Variants in SCN2A observed in about 807,000 individuals in gnomAD.
SCN2A encodes the protein sodium channel protein type 2 subunit alpha.
A neutral mutation model predicts 188.7 loss-of-function variants in SCN2A; 20 were observed. The observed-to-expected ratio is 0.11, with a 90% CI of 0.07 to 0.15. The LOEUF (loss-of-function observed/expected upper bound fraction) is 0.15. Among genes scored for constraint, SCN2A ranks in the 10% least tolerant of loss-of-function variants. The pLI is 1.00. For missense variants in SCN2A, 1,278 were observed against 2,445.0 expected (o/e 0.52, Z 10.07); for synonymous variants, 804 against 833.1 (o/e 0.97, Z 0.60).
chr2:165,280,686 C>A (rs1190019676), intron 1 of SCN2A, among the ~76,000 whole-genome samples: 1 of 152,172 alleles, frequency 6.6e-6, no homozygotes, highest in Non-Finnish European at 1.5e-5. Context: ...CCTGTGGGAT[C>A]ATAATAAAGC....
At chr2:165,360,040 G>C (rs1700379895) in intron 17 of SCN2A, among the ~76,000 whole-genome samples, 1 of 151,426 alleles carries the variant, frequency 6.6e-6, no homozygotes. Flanking sequence ...GTCAGATATG[G>C]GATACTTGAT....
At chr2:165,325,990 G>A (rs1199934234) in intron 12 of SCN2A, among the ~76,000 whole-genome samples, 1 of 152,042 alleles carries the variant, frequency 6.6e-6, no homozygotes, top group Non-Finnish European at 1.5e-5. Context: ...TTTAGAAATA[G>A]GGAAAGTCCT....
chr2:165,291,424 CTGT>C (rs1696131417), intron 1 of SCN2A, among the ~76,000 whole-genome samples: 1 of 139,474 alleles, frequency 7.2e-6, no homozygotes, highest in African/African-American at 2.8e-5. Flanking sequence ...TCCTCCCTGT[CTGT>C]CTTTCTTTCT....
Position 165,388,561 on chromosome 2 carries a change from C to CTTAT in SCN2A, c.4823-67_4823-64dup. On this transcript the variant is annotated intron_variant, in intron 26 of 26. Transcript: ENST00000375437. ...GTTCACATTTTGTAAAACTAATGTA[C>CTTAT]TTATGTAAACTTTCATTTGCTACTA... is the stretch of plus-strand genomic sequence containing the variant. The CTTAT allele has an allele frequency of 1.3e-5, 21 of 1,602,100 alleles. 1 individual carries two copies. The South Asian group carries it at 2.3e-4, about 18-fold the overall frequency.
chr2:165,251,425 G>A (rs77433275), intron 1 of SCN2A, among the ~76,000 whole-genome samples: 4,534 of 152,182 alleles, frequency 0.03, 217 homozygotes, highest in African/African-American at 0.099. Context: ...TTCAAATATA[G>A]CGTGATGATA....
At chr2:165,315,893 T>A in intron 11 of SCN2A, 135 bp downstream of exon 11, 1 of 1,053,254 alleles carries the variant, frequency 9.5e-7, no homozygotes, top group Non-Finnish European at 1.4e-6. Flanking sequence ...TCAAGTGTTT[T>A]GGCTATCACT....
intron 1 of SCN2A, among the ~76,000 whole-genome samples, chr2:165,266,181 T>C (rs911060442): frequency 6.6e-6 from 1 of 152,074 alleles, no homozygotes; most frequent in Non-Finnish European, 1.5e-5. Flanking sequence ...CCAAAGGCTA[T>C]GCTTATTAGT....
At chr2:165,332,284 T>C (rs539119520) in intron 14 of SCN2A, among the ~76,000 whole-genome samples, 18 of 152,078 alleles carry the variant, frequency 1.2e-4, no homozygotes, top group South Asian at 6.2e-4. Context: ...AATAATACGG[T>C]CTAAAGTATA....
chr2:165,370,360 G>T (rs1248331632), intron 20 of SCN2A, 61 bp downstream of exon 20: 10 of 1,539,718 alleles, frequency 6.5e-6, no homozygotes, highest in South Asian at 1.1e-5. Context: ...TCTAGCAATG[G>T]TGCCTGACAC....
intron 16 of SCN2A, among the ~76,000 whole-genome samples, chr2:165,353,618 A>G (rs1029225375): frequency 3.9e-5 from 6 of 152,200 alleles, no homozygotes; most frequent in Non-Finnish European, 5.9e-5. Context: ...AGAGCTTTCA[A>G]TCATGGCAGA....
chr2:165,241,942 A>G (rs1693640971), intron 1 of SCN2A, among the ~76,000 whole-genome samples: 1 of 152,216 alleles, frequency 6.6e-6, no homozygotes, highest in Non-Finnish European at 1.5e-5. Flanking sequence ...TAAATACAAG[A>G]AAATGGAGAA....
At chr2:165,291,575 T>TCCTTCCTTTCTCTCTCTCTC (rs1460696524) in intron 1 of SCN2A, among the ~76,000 whole-genome samples, 12 of 70,572 alleles carry the variant, frequency 1.7e-4, no homozygotes, top group African/African-American at 4.6e-4. Flanking sequence ...CTTCCTTCCT[T>TCCTTCCTTTCTCTCTCTCTC]TCTCTCTCTC....
At chr2:165,350,566 G>A (rs1378361485) in intron 16 of SCN2A, among the ~76,000 whole-genome samples, 4 of 138,694 alleles carry the variant, frequency 2.9e-5, no homozygotes, top group African/African-American at 1.1e-4. Context: ...TCCGCCTCCC[G>A]GGTTCACGCC....
In SCN2A at chr2:165,321,202, A is replaced by G. The variant is rs143820769; in HGVS notation, c.1672-1954A>G. Among the ~76,000 whole-genome samples, 625 of 152,212 alleles carry G rather than the reference A, an allele frequency of 4.1e-3. 3 individuals carry two copies. The highest frequency in any genetic ancestry group is 0.012 in the African/African-American group (509 of 41,510). On this transcript the variant is annotated intron_variant, in intron 11 of 26. Coordinates refer to ENST00000375437, the MANE Select transcript of SCN2A (RefSeq NM_001040142.2). ...TCTTTGCTAAAATATAACAAGAGTC[A>G]CCTTTGCTCCATTTCCCAACAAGTT...
chr2:165,309,067 C>T (rs1348288414), intron 5 of SCN2A: 1 of 1,328,352 alleles, frequency 7.5e-7, no homozygotes, highest in African/African-American at 1.5e-5. Context: ...ATTGGGAAAG[C>T]TGATGGCGAC....
At chr2:165,311,735 T>C (rs1265799683) in intron 7 of SCN2A, among the ~76,000 whole-genome samples, 2 of 152,130 alleles carry the variant, frequency 1.3e-5, no homozygotes, top group African/African-American at 4.8e-5. Flanking sequence ...ATGTATCCCA[T>C]GCAATTTGAG....
intron 1 of SCN2A, chr2:165,271,744 A>G (rs1013549649): frequency 6.6e-6 from 1 of 152,016 alleles, no homozygotes; most frequent in African/African-American, 2.4e-5. Flanking sequence ...AGAGACAATC[A>G]CTGTTCCAAT....
At chr2:165,243,534 G>A (rs180734802) in intron 1 of SCN2A, among the ~76,000 whole-genome samples, 103 of 151,818 alleles carry the variant, frequency 6.8e-4, no homozygotes, top group African/African-American at 2.2e-3. Context: ...CCTGGGAGGC[G>A]GAGGTTGCAG....
At chr2:165,369,684 C>A (rs1451356068) in intron 19 of SCN2A, among the ~76,000 whole-genome samples, 1 of 152,110 alleles carries the variant, frequency 6.6e-6, no homozygotes, top group African/African-American at 2.4e-5. Flanking sequence ...CACAGACACA[C>A]AGAGAGAGGG....
Sources: gnomAD v4.1 joint callset for allele counts (sites outside exome capture counted in the v4.1 genomes callset) on GRCh38, gnomAD v4.1.1 for gene constraint, MANE v1.5 for transcripts, NCBI Gene and HGNC (gene_info 2026-07-23, HGNC 2026-07-21) for gene names.